PCDHA13: variants seen among roughly 807,000 people sequenced by gnomAD.
PCDHA13 encodes the protein protocadherin alpha 13.
Under a neutral mutation model 64.8 loss-of-function variants are expected in PCDHA13, and 54 were observed. The ratio of observed to expected loss-of-function variants is 0.83; its 90% CI spans 0.67 to 1.04. The LOEUF (loss-of-function observed/expected upper bound fraction) is 1.04, where lower values mean the gene tolerates loss of function less well. Among genes scored for constraint, PCDHA13 ranks in the 50% least tolerant of loss-of-function variants. The probability of loss-of-function intolerance (pLI) is 0.00; values close to 1 mark genes in which losing one functional copy is unlikely to be tolerated. For missense variants in PCDHA13, 1,248 were observed against 1,254.3 expected (o/e 0.99, Z 0.08); for synonymous variants, 587 against 564.4 (o/e 1.04, Z -0.57).
intron 1 of PCDHA13, among the ~76,000 whole-genome samples, chr5:140,897,495 A>G (rs1208374175): frequency 1.2e-4 from 19 of 152,006 alleles, no homozygotes; most frequent in Admixed American, 9.8e-4. Flanking sequence ...AATTTCAACC[A>G]TGTCCCTACA....
intron 1 of PCDHA13, among the ~76,000 whole-genome samples, chr5:140,906,981 G>A (rs1554192831): frequency 6.6e-6 from 1 of 152,122 alleles, no homozygotes; most frequent in Non-Finnish European, 1.5e-5. Flanking sequence ...GTCTTCTGGT[G>A]GCAGCATTCC....
At chr5:140,929,545 A>T in intron 1 of PCDHA13, 1 of 514,856 alleles carries the variant, frequency 1.9e-6, no homozygotes, top group Non-Finnish European at 3.2e-6. Context: ...ACAAGGGCAA[A>T]AATTAAAACC....
chr5:140,949,630 T>C (rs549897729), intron 1 of PCDHA13, among the ~76,000 whole-genome samples: 2 of 152,016 alleles, frequency 1.3e-5, no homozygotes, highest in South Asian at 4.1e-4. Flanking sequence ...TTTCATGGCA[T>C]ATTGCTTTTT....
chr5:140,915,606 C>A (rs2077190807), intron 1 of PCDHA13, among the ~76,000 whole-genome samples: 1 of 150,452 alleles, frequency 6.6e-6, no homozygotes, highest in African/African-American at 2.5e-5. Context: ...CCCTTACTTT[C>A]TGTCAAACAG....
chr5:140,946,634 A>ATATAT (rs1554217761), intron 1 of PCDHA13, among the ~76,000 whole-genome samples: 3 of 147,374 alleles, frequency 2.0e-5, no homozygotes, highest in Admixed American at 6.8e-5. Context: ...ATATATATAC[A>ATATAT]ATGGAATACT....
intron 3 of PCDHA13, among the ~76,000 whole-genome samples, chr5:141,003,070 G>A (rs1588007737): frequency 6.6e-6 from 1 of 152,232 alleles, no homozygotes; most frequent in South Asian, 2.1e-4. Flanking sequence ...AAATGCAGAT[G>A]AGGGTGAGTT....
chr5:140,886,401 A>G (rs2060965059), intron 1 of PCDHA13, among the ~76,000 whole-genome samples: 1 of 152,174 alleles, frequency 6.6e-6, no homozygotes, highest in African/African-American at 2.4e-5. Flanking sequence ...TGCATCACAA[A>G]TATGTTTTCC....
intron 1 of PCDHA13, among the ~76,000 whole-genome samples, chr5:140,886,851 AG>A (rs2061199020): frequency 6.6e-6 from 1 of 151,608 alleles, no homozygotes; most frequent in South Asian, 2.1e-4. Context: ...AAAAAAAGAA[AG>A]GTCTTCCCAA....
chr5:140,928,569 GCCCAGAAATGGTTCTGT>G, intron 1 of PCDHA13: 1 of 1,614,202 alleles, frequency 6.2e-7, no homozygotes, highest in Non-Finnish European at 8.5e-7. Flanking sequence ...TGTTTCCCTT[GCCCAGAAATGGTTCTGT>G]CCCAGTGGAA....
intron 1 of PCDHA13, chr5:140,967,123 C>A (rs1554229191): frequency 4.3e-6 from 7 of 1,612,606 alleles, no homozygotes; most frequent in African/African-American, 2.7e-5. Context: ...GCTGCCTGCT[C>A]AGCTTGGAAG....
At chr5:140,992,271 T>C (rs1375901464) in intron 3 of PCDHA13, among the ~76,000 whole-genome samples, 1 of 152,184 alleles carries the variant, frequency 6.6e-6, no homozygotes, top group African/African-American at 2.4e-5. Flanking sequence ...GTTCTTTTCG[T>C]AGCACATCCC....
chr5:140,934,925 A>G (rs2090105619), intron 1 of PCDHA13, among the ~76,000 whole-genome samples: 1 of 152,196 alleles, frequency 6.6e-6, no homozygotes, highest in African/African-American at 2.4e-5. Context: ...ATTCACATAA[A>G]GTTACAAAAC....
At chr5:140,982,414 G>A in intron 2 of PCDHA13, 61 bp from the exon 3 acceptor site, 1 of 1,609,882 alleles carries the variant, frequency 6.2e-7, no homozygotes, top group Non-Finnish European at 8.5e-7. Flanking sequence ...TCTGAGGGTG[G>A]AAGAAGAGAT....
intron 1 of PCDHA13, among the ~76,000 whole-genome samples, chr5:140,942,542 G>C (rs1023135030): frequency 6.6e-5 from 10 of 152,046 alleles, no homozygotes; most frequent in African/African-American, 2.4e-4. Flanking sequence ...AGTATGGTGG[G>C]GGGTAGGGGG....
chr5:141,003,167 C>T (rs1160809977), intron 3 of PCDHA13, among the ~76,000 whole-genome samples: 1 of 152,180 alleles, frequency 6.6e-6, no homozygotes, highest in Non-Finnish European at 1.5e-5. Context: ...AATCCTAGTC[C>T]CTGAGGCTCA....
chr5:140,916,202 C>A lies in PCDHA13; in HGVS notation c.2394+31540C>A, dbSNP rs185433174. 8.0e-3 allele frequency among the ~76,000 whole-genome samples: 1,218 copies of A among 152,262 alleles called. 6 individuals carry two copies. Among genetic ancestry groups the A allele is most frequent in the African/African-American group, 0.019 (787 of 41,550 alleles). The stretch of plus-strand genomic sequence containing the variant: ...TTCAAGGAAGTGGGCACCCCTCTGC[C>A]CTGGGGAAGATCCAAATATGCTTTC... On this transcript the variant is annotated intron_variant, in intron 1 of 3. Coordinates refer to ENST00000289272, the MANE Select transcript of PCDHA13 (RefSeq NM_018904.3).
chr5:140,942,518 G>A (rs2093312014), intron 1 of PCDHA13, among the ~76,000 whole-genome samples: 1 of 151,908 alleles, frequency 6.6e-6, no homozygotes, highest in Non-Finnish European at 1.5e-5. Flanking sequence ...ACTCAGAGGG[G>A]AAGCAACTAA....
Position 140,992,419 on chromosome 5 carries a change from A to C in PCDHA13, c.2542+9856A>C, listed in dbSNP as rs554370784. The stretch of plus-strand genomic sequence containing the variant: ...GAGATATTGTTCTGCCCCAGGTCTA[A>C]GAATATTGTTCCAAGAGTTGGGAGC... On this transcript the variant is annotated intron_variant, in intron 3 of 3. Transcript: ENST00000289272. Among the ~76,000 whole-genome samples the C allele has an allele frequency of 3.3e-5, 5 of 152,318 alleles. No individual in the cohort carries two copies. In the East Asian group the frequency reaches 7.7e-4, roughly 23 times the overall value.
chr5:140,977,314 C>CTCCTGATG (rs1482871612), intron 1 of PCDHA13, among the ~76,000 whole-genome samples: 1 of 152,152 alleles, frequency 6.6e-6, no homozygotes, highest in African/African-American at 2.4e-5. Context: ...AACGATAGTG[C>CTCCTGATG]TCCTGATGGC....
Sources: allele counts gnomAD v4.1 joint callset (sites outside exome capture counted in the v4.1 genomes callset), GRCh38; gene constraint gnomAD v4.1.1; transcripts MANE v1.5; gene names NCBI Gene and HGNC (gene_info 2026-07-23, HGNC 2026-07-21).